Variants in NLGN1 observed in about 807,000 individuals in gnomAD.
The protein encoded by NLGN1 is neuroligin-1.
Under a neutral mutation model 65.5 loss-of-function variants are expected in NLGN1, and 12 were observed. The ratio of observed to expected loss-of-function variants is 0.18; its 90% CI spans 0.12 to 0.30. The LOEUF (loss-of-function observed/expected upper bound fraction) is 0.30. Ranked by LOEUF, NLGN1 falls within the 10% of genes least tolerant of loss-of-function variation. The pLI, the probability that NLGN1 is intolerant of heterozygous loss-of-function variation, is 1.00. For synonymous variants in NLGN1, 350 were observed against 359.5 expected, an observed-to-expected ratio of 0.97 and a Z score of 0.30; for missense variants, 750 against 1,007.1, an observed-to-expected ratio of 0.74 and a Z score of 3.46.
At chr3:173,489,210 A>G (rs1337257857) in intron 2 of NLGN1, among the ~76,000 whole-genome samples, 2 of 151,826 alleles carry the variant, frequency 1.3e-5, no homozygotes, top group Non-Finnish European at 2.9e-5. Flanking sequence ...CATTAGGTAT[A>G]TCTCCTAATG....
chr3:173,918,690 GTGTGTGTGTGTGTATATATA>G, intron 4 of NLGN1, among the ~76,000 whole-genome samples: 1 of 136,852 alleles, frequency 7.3e-6, no homozygotes, highest in East Asian at 2.3e-4. Flanking sequence ...GTGTGTGTGT[GTGTGTGTGTGTGTATATATA>G]TATATTGCAT....
intron 4 of NLGN1, among the ~76,000 whole-genome samples, chr3:173,887,654 A>G (rs1734599123): frequency 6.6e-6 from 1 of 151,990 alleles, no homozygotes; most frequent in Non-Finnish European, 1.5e-5. Flanking sequence ...TTATGTTGCT[A>G]TGTAGGATAG....
intron 4 of NLGN1, among the ~76,000 whole-genome samples, chr3:173,887,435 G>A (rs1370502167): frequency 2.0e-5 from 3 of 151,894 alleles, no homozygotes; most frequent in African/African-American, 4.8e-5. Flanking sequence ...GAAAACAAAT[G>A]CTTGGTGAAT....
At chr3:174,020,770 T>C (rs1016842617) in intron 4 of NLGN1, among the ~76,000 whole-genome samples, 2 of 152,128 alleles carry the variant, frequency 1.3e-5, no homozygotes, top group African/African-American at 2.4e-5. Context: ...CTTCATTATG[T>C]TTTTGAATAC....
At chr3:174,221,809 C>A (rs1577425400) in intron 4 of NLGN1, among the ~76,000 whole-genome samples, 1 of 152,120 alleles carries the variant, frequency 6.6e-6, no homozygotes, top group East Asian at 1.9e-4. Flanking sequence ...TTCCAGTAAT[C>A]TCTGCTGTTC....
chr3:173,922,037 TTTGGTGGTGG>T (rs1742117720), intron 4 of NLGN1, among the ~76,000 whole-genome samples: 1 of 152,184 alleles, frequency 6.6e-6, no homozygotes, highest in African/African-American at 2.4e-5. Context: ...CCTAATGTCT[TTTGGTGGTGG>T]TGGTGTTTCT....
At chr3:173,452,047 G>A (rs1721655889) in intron 2 of NLGN1, among the ~76,000 whole-genome samples, 1 of 152,220 alleles carries the variant, frequency 6.6e-6, no homozygotes. Flanking sequence ...CTCACGCACA[G>A]TGCACTGCAC....
intron 4 of NLGN1, among the ~76,000 whole-genome samples, chr3:174,051,050 C>T (rs1479740356): frequency 3.9e-5 from 6 of 151,988 alleles, no homozygotes; most frequent in African/African-American, 1.4e-4. Flanking sequence ...CCTCCAGCTC[C>T]CTAAATTCTG....
chr3:173,679,678 G>T (rs2149778902), intron 3 of NLGN1, among the ~76,000 whole-genome samples: 1 of 152,120 alleles, frequency 6.6e-6, no homozygotes, highest in African/African-American at 2.4e-5. Flanking sequence ...AAATAATATT[G>T]GTCTCAGGAA....
At chr3:173,903,335 T>C (rs981503190) in intron 4 of NLGN1, among the ~76,000 whole-genome samples, 7 of 151,870 alleles carry the variant, frequency 4.6e-5, no homozygotes, top group African/African-American at 1.2e-4. Flanking sequence ...AATGAAGGGA[T>C]TGATGGAAGT....
intron 3 of NLGN1, among the ~76,000 whole-genome samples, chr3:173,610,941 C>T (rs1445189290): frequency 6.6e-6 from 1 of 151,908 alleles, no homozygotes; most frequent in African/African-American, 2.4e-5. Context: ...TATTTTTATA[C>T]AACAGCAAAC....
chr3:174,185,907 T>A (rs1373246019), intron 4 of NLGN1, among the ~76,000 whole-genome samples: 1 of 152,104 alleles, frequency 6.6e-6, no homozygotes, highest in African/African-American at 2.4e-5. Flanking sequence ...TTATACTGTC[T>A]TAATTATATC....
chr3:174,095,869 A>G (rs904630518), intron 4 of NLGN1, among the ~76,000 whole-genome samples: 4 of 151,924 alleles, frequency 2.6e-5, no homozygotes, highest in African/African-American at 9.7e-5. Flanking sequence ...ATGTGGTGGC[A>G]TGTGCCTGTA....
intron 3 of NLGN1, among the ~76,000 whole-genome samples, chr3:173,628,289 T>G (rs567537008): frequency 6.6e-6 from 1 of 152,136 alleles, no homozygotes; most frequent in African/African-American, 2.4e-5. Flanking sequence ...ACTTAGCTAC[T>G]GGGTGGTGGG....
chr3:173,432,542 C>T (rs1208551848), intron 1 of NLGN1, among the ~76,000 whole-genome samples: 1 of 152,136 alleles, frequency 6.6e-6, no homozygotes, highest in Non-Finnish European at 1.5e-5. Context: ...GAGGTGTTTA[C>T]TAAGGACTTT....
chr3:173,909,362 T>C (rs1373306409), intron 4 of NLGN1, among the ~76,000 whole-genome samples: 1 of 152,180 alleles, frequency 6.6e-6, no homozygotes, highest in African/African-American at 2.4e-5. Flanking sequence ...TTCTTTATCA[T>C]AGGACTTTCC....
At chr3:173,457,140 G>A (rs963097196) in intron 2 of NLGN1, among the ~76,000 whole-genome samples, 1 of 152,104 alleles carries the variant, frequency 6.6e-6, no homozygotes, top group African/African-American at 2.4e-5. Context: ...GAAGGGTGGT[G>A]AATGAGTTGA....
chr3:173,901,746 G>A (rs751055688), intron 4 of NLGN1, among the ~76,000 whole-genome samples: 12 of 151,844 alleles, frequency 7.9e-5, no homozygotes, highest in Admixed American at 3.9e-4. Context: ...TTTCTTTTTC[G>A]AGAACAGGCC....
chr3:173,994,540 C>T (rs1162786689), intron 4 of NLGN1, among the ~76,000 whole-genome samples: 1 of 137,662 alleles, frequency 7.3e-6, no homozygotes, highest in Non-Finnish European at 1.5e-5. Flanking sequence ...ATTTTAAAAC[C>T]TATTAAAATT....
Sources: gnomAD v4.1 joint callset for allele counts (sites outside exome capture counted in the v4.1 genomes callset) on GRCh38, gnomAD v4.1.1 for gene constraint, MANE v1.5 for transcripts, NCBI Gene and HGNC (gene_info 2026-07-23, HGNC 2026-07-21) for gene names.